The following LRP1B variants were observed in gnomAD, a reference collection of about 807,000 sequenced individuals.
LRP1B encodes the protein LDL receptor related protein 1B, also known as low-density lipoprotein receptor-related protein 1B.
In LRP1B, 217 loss-of-function variants were observed where a neutral mutation model predicts 556.6. That is an observed-to-expected ratio of 0.39 (90% CI 0.35 to 0.44). LRP1B has a LOEUF of 0.44. Ranked by LOEUF, LRP1B falls within the 20% of genes least tolerant of loss-of-function variation. LRP1B has a pLI of 1.00. For missense variants in LRP1B, 5,053 were observed against 5,620.8 expected (o/e 0.90, Z 3.23); for synonymous variants, 2,047 against 1,865.8 (o/e 1.10, Z -2.50).
At chr2:140,745,969 A>T (rs1404623643) in intron 35 of LRP1B, among the ~76,000 whole-genome samples, 1 of 152,162 alleles carries the variant, frequency 6.6e-6, no homozygotes, top group Admixed American at 6.6e-5. Context: ...CATTCCAACA[A>T]TAAAATATAT....
intron 1 of LRP1B, among the ~76,000 whole-genome samples, chr2:142,009,111 T>A (rs140501580): frequency 2.0e-5 from 3 of 152,174 alleles, no homozygotes; most frequent in African/African-American, 7.2e-5. Context: ...TTTTGGAAAT[T>A]GTTGCAGGAA....
chr2:141,938,725 T>TTA (rs1267268453), intron 1 of LRP1B, among the ~76,000 whole-genome samples: 1 of 150,452 alleles, frequency 6.6e-6, no homozygotes, highest in African/African-American at 2.4e-5. Context: ...AAAGACATTG[T>TTA]TATATATATC....
chr2:141,447,131 A>G (rs1291299474), intron 3 of LRP1B, among the ~76,000 whole-genome samples: 1 of 151,062 alleles, frequency 6.6e-6, no homozygotes, highest in Non-Finnish European at 1.5e-5. Context: ...TTTTTCTCTA[A>G]TCTTGTCTTC....
At chr2:141,672,894 G>A (rs1690727144) in intron 2 of LRP1B, among the ~76,000 whole-genome samples, 2 of 152,252 alleles carry the variant, frequency 1.3e-5, no homozygotes, top group Middle Eastern at 3.4e-3. Context: ...TCCAGTCTCT[G>A]AATTCCTTTT....
intron 2 of LRP1B, among the ~76,000 whole-genome samples, chr2:141,796,430 A>G (rs569561943): frequency 6.6e-6 from 1 of 152,184 alleles, no homozygotes; most frequent in South Asian, 2.1e-4. Flanking sequence ...TTAGGATTGT[A>G]AGAATGTATC....
Position 140,536,799 on chromosome 2 carries a change from A to G in LRP1B, c.7514-90T>C, listed in dbSNP as rs2105004811. 4 of 919,330 alleles carry G rather than the reference A, an allele frequency of 4.4e-6. No individual in the cohort carries two copies. In the South Asian group the frequency reaches 7.4e-5, roughly 17 times the overall value. 56.9% of individuals were successfully genotyped at this position (919,330 alleles called of 1,614,324 possible). On this transcript the variant is annotated intron_variant, in intron 45 of 90. Transcript: ENST00000389484. ...AATTATTTTTCTTAATTTTAATTAT[A>G]AAGATAAACTAAAATTTATCAAAAT...
intron 41 of LRP1B, among the ~76,000 whole-genome samples, chr2:140,681,806 A>G (rs753796623): frequency 3.3e-5 from 5 of 152,168 alleles, no homozygotes; most frequent in Non-Finnish European, 7.4e-5. Context: ...TCACGTTTCT[A>G]TCTTTACTAC....
chr2:142,050,321 C>T (rs918959794), intron 1 of LRP1B, among the ~76,000 whole-genome samples: 1 of 152,096 alleles, frequency 6.6e-6, no homozygotes, highest in African/African-American at 2.4e-5. Flanking sequence ...AGTATATTAT[C>T]ATTTGAAACC....
intron 18 of LRP1B, among the ~76,000 whole-genome samples, chr2:140,977,297 C>T (rs1201058931): frequency 5.3e-5 from 8 of 152,126 alleles, no homozygotes; most frequent in Non-Finnish European, 1.0e-4. Context: ...ATACCACCCA[C>T]CTAAGATATG....
At chr2:141,228,603 G>GTC (rs1202556759) in intron 6 of LRP1B, among the ~76,000 whole-genome samples, 3 of 151,876 alleles carry the variant, frequency 2.0e-5, no homozygotes, top group South Asian at 4.2e-4. Context: ...GTGTGTGTGT[G>GTC]TGTGTGTATG....
At chr2:140,716,163 G>T in intron 36 of LRP1B, 61 bp from the exon 37 acceptor site, 1 of 1,221,122 alleles carries the variant, frequency 8.2e-7, no homozygotes, top group Non-Finnish European at 1.1e-6. Context: ...TATTTGTCAT[G>T]ACTAAAATTA....
intron 11 of LRP1B, among the ~76,000 whole-genome samples, chr2:141,023,566 T>C (rs1698129577): frequency 6.6e-6 from 1 of 151,962 alleles, no homozygotes; most frequent in African/African-American, 2.4e-5. Context: ...AAAACTTCAT[T>C]ACAGGTCTGA....
intron 3 of LRP1B, among the ~76,000 whole-genome samples, chr2:141,423,897 A>G (rs1390729393): frequency 2.6e-5 from 4 of 152,012 alleles, no homozygotes; most frequent in Non-Finnish European, 5.9e-5. Context: ...TCTTTGAGGA[A>G]AGAATATTAA....
chr2:141,289,392 A>C (rs1411870772), intron 3 of LRP1B, among the ~76,000 whole-genome samples: 5 of 150,978 alleles, frequency 3.3e-5, no homozygotes, highest in Non-Finnish European at 5.9e-5. Flanking sequence ...AAAAAAAAAA[A>C]AAAAAAAAAA....
At chr2:142,020,332 C>G (rs77887250) in intron 1 of LRP1B, among the ~76,000 whole-genome samples, 14 of 152,062 alleles carry the variant, frequency 9.2e-5, no homozygotes, top group Admixed American at 9.2e-4. Context: ...CCTCAGACCC[C>G]GGAGTACACA....
Position 141,254,195 on chromosome 2 carries a change from CAT to C in LRP1B, c.463+325_463+326del, listed in dbSNP as rs1684374800. Among the ~76,000 whole-genome samples the C allele has an allele frequency of 2.6e-5, 4 of 152,148 alleles. No individual in the cohort carries two copies. In the South Asian group the frequency reaches 8.3e-4, roughly 32 times the overall value. On this transcript the variant is annotated intron_variant, in intron 4 of 90. Transcript: ENST00000389484. ...TATTAACCTAACGTAGTTAATAACA[CAT>C]GTCTACTAGACTGCAGCTATATAAC...
chr2:141,484,040 T>C (rs1352036935), intron 2 of LRP1B, among the ~76,000 whole-genome samples: 1 of 152,206 alleles, frequency 6.6e-6, no homozygotes, highest in African/African-American at 2.4e-5. Context: ...TCCTTGCCCA[T>C]GTCTATGTCC....
intron 41 of LRP1B, among the ~76,000 whole-genome samples, chr2:140,625,469 G>T (rs1279124394): frequency 6.6e-6 from 1 of 152,030 alleles, no homozygotes. Flanking sequence ...GAATATATTT[G>T]CAAAACATGC....
intron 3 of LRP1B, among the ~76,000 whole-genome samples, chr2:141,294,692 G>C (rs185091388): frequency 1.3e-5 from 2 of 149,560 alleles, no homozygotes; most frequent in East Asian, 2.0e-4. Context: ...GTGCACCATG[G>C]CCACACCACT....
Sources: allele counts gnomAD v4.1 joint callset (sites outside exome capture counted in the v4.1 genomes callset), GRCh38; gene constraint gnomAD v4.1.1; transcripts MANE v1.5; gene names NCBI Gene and HGNC (gene_info 2026-07-23, HGNC 2026-07-21).